The following FTO variants were observed in gnomAD, a reference collection of about 807,000 sequenced individuals.
The protein encoded by FTO is alpha-ketoglutarate-dependent dioxygenase FTO.
FTO carries 47 observed loss-of-function variants against 63.9 expected under a neutral mutation model. That is an observed-to-expected ratio of 0.74 (90% CI 0.58 to 0.94). FTO has a LOEUF of 0.94. FTO is among the 40% of genes least tolerant of loss of function. The pLI is 0.00. For missense variants in FTO, 562 were observed against 618.1 expected (o/e 0.91, Z 0.96); for synonymous variants, 207 against 224.4 (o/e 0.92, Z 0.69).
At chr16:54,012,320 A>C (rs530242946) in intron 8 of FTO, among the ~76,000 whole-genome samples, 4 of 152,210 alleles carry the variant, frequency 2.6e-5, no homozygotes, top group Non-Finnish European at 5.9e-5. Flanking sequence ...CTTCAATTCT[A>C]TGAAGGCTGA....
intron 8 of FTO, chr16:53,981,583 G>C (rs1407906915): frequency 6.6e-6 from 1 of 152,176 alleles, no homozygotes; most frequent in Non-Finnish European, 1.5e-5. Flanking sequence ...GACTAGCCTG[G>C]CCAACATGGT....
intron 2 of FTO, among the ~76,000 whole-genome samples, chr16:53,818,242 A>G (rs2078756173): frequency 6.6e-6 from 1 of 151,466 alleles, no homozygotes; most frequent in Non-Finnish European, 1.5e-5. Context: ...CACTAATTTA[A>G]TTACTCTATA....
chr16:53,890,794 C>T (rs968477082), intron 7 of FTO, among the ~76,000 whole-genome samples: 9 of 152,126 alleles, frequency 5.9e-5, no homozygotes, highest in African/African-American at 2.2e-4. Context: ...TTATGGGCTG[C>T]TTATATAAAG....
chr16:53,824,029 C>T (rs1038678286), intron 2 of FTO, among the ~76,000 whole-genome samples: 2 of 152,238 alleles, frequency 1.3e-5, no homozygotes, highest in Non-Finnish European at 2.9e-5. Flanking sequence ...CAGACCATCA[C>T]TTTTCTTCCA....
chr16:53,769,007 A>G (rs546796419), intron 1 of FTO, among the ~76,000 whole-genome samples: 2 of 152,214 alleles, frequency 1.3e-5, no homozygotes, highest in African/African-American at 4.8e-5. Context: ...AGACATTTGC[A>G]TTTTCATGAA....
At chr16:53,734,441 T>C (rs920397422) in intron 1 of FTO, among the ~76,000 whole-genome samples, 1 of 152,256 alleles carries the variant, frequency 6.6e-6, no homozygotes, top group Non-Finnish European at 1.5e-5. Context: ...TCCCCTAGAA[T>C]AGAAAAGTAT....
Position 54,119,526 on chromosome 16 carries a change from A to G in FTO, c.*7611A>G, listed in dbSNP as rs1451088974. 2 of 151,986 alleles carry G rather than the reference A, an allele frequency of 1.3e-5. No individual in the cohort carries two copies. Among genetic ancestry groups the G allele is most frequent in the African/African-American group, 4.8e-5 (2 of 41,382 alleles). 9.4% of individuals were successfully genotyped at this position (151,986 alleles called of 1,614,324 possible). On this transcript the variant is annotated 3_prime_UTR_variant, in exon 9 of 9. Coordinates refer to ENST00000471389, the MANE Select transcript of FTO (RefSeq NM_001080432.3). ...AAGCAAACCAGGTATATAGGATTCC[A>G]TTATCCTTCCCTCCTCTGCTCCCAA...
intron 2 of FTO, among the ~76,000 whole-genome samples, chr16:53,822,862 G>A (rs1463053867): frequency 6.6e-6 from 1 of 152,112 alleles, no homozygotes; most frequent in African/African-American, 2.4e-5. Flanking sequence ...AGACACTCAA[G>A]GTCTCGACTT....
At position 54,116,340 on chromosome 16, in the gene FTO, A is replaced by G. The variant is rs1189591235; in HGVS notation, c.*4425A>G. 2 of 152,258 alleles carry G rather than the reference A, an allele frequency of 1.3e-5. No individual in the cohort carries two copies. Among genetic ancestry groups the G allele is most frequent in the East Asian group, 1.9e-4 (1 of 5,174 alleles). 9.4% of individuals were successfully genotyped at this position (152,258 alleles called of 1,614,324 possible). A position where few individuals can be genotyped will look rare whatever the true frequency, so the allele number is the denominator to read the frequency against. On this transcript the variant is annotated 3_prime_UTR_variant, in exon 9 of 9. Transcript: ENST00000471389. ...TTGGAGATCTGTCAGAGGCAAGCAC[A>G]TGGAAGACAAGGGGATTCTGGTTTG... is the stretch of plus-strand genomic sequence containing the variant.
chr16:53,732,507 T>G (rs1244752605), intron 1 of FTO, among the ~76,000 whole-genome samples: 1 of 152,236 alleles, frequency 6.6e-6, no homozygotes, highest in African/African-American at 2.4e-5. Flanking sequence ...TTCCAGTTCC[T>G]ACTTCAGTGT....
At chr16:53,963,806 G>T (rs1438509842) in intron 8 of FTO, among the ~76,000 whole-genome samples, 1 of 152,186 alleles carries the variant, frequency 6.6e-6, no homozygotes, top group Non-Finnish European at 1.5e-5. Flanking sequence ...AGGCTGGAGT[G>T]CAGTAGCACG....
At chr16:53,909,725 G>A (rs112486174) in intron 7 of FTO, among the ~76,000 whole-genome samples, 4 of 151,236 alleles carry the variant, frequency 2.6e-5, no homozygotes, top group South Asian at 2.1e-4. Flanking sequence ...CACCACGCTC[G>A]GCTAATTTTT....
Position 53,860,310 on chromosome 16 carries a change from G to T in FTO, c.896-13476G>T, listed in dbSNP as rs73607622. Among the ~76,000 whole-genome samples the T allele has an allele frequency of 9.3e-3, 1,411 of 152,330 alleles. 32 individuals are homozygous for T. The highest frequency in any genetic ancestry group is 0.033 in the African/African-American group (1,358 of 41,572). On this transcript the variant is annotated intron_variant, in intron 4 of 8. Coordinates refer to ENST00000471389, the MANE Select transcript of FTO (RefSeq NM_001080432.3). ...ACAGAGTTGAATGTGGTTTCCAAGG[G>T]TTTGAGGGATGTTGGGTAGATGTTG...
At chr16:53,724,417 A>G (rs2076106839) in intron 1 of FTO, among the ~76,000 whole-genome samples, 1 of 152,248 alleles carries the variant, frequency 6.6e-6, no homozygotes, top group Non-Finnish European at 1.5e-5. Flanking sequence ...GTGCTGGTGT[A>G]GACCAACACC....
intron 8 of FTO, among the ~76,000 whole-genome samples, chr16:54,108,733 C>A (rs1414657915): frequency 6.6e-6 from 1 of 152,166 alleles, no homozygotes; most frequent in African/African-American, 2.4e-5. Flanking sequence ...TTCACATCAA[C>A]CCCATAAGTA....
chr16:53,735,642 T>G (rs2076376330), intron 1 of FTO, among the ~76,000 whole-genome samples: 1 of 152,112 alleles, frequency 6.6e-6, no homozygotes, highest in Non-Finnish European at 1.5e-5. Flanking sequence ...CTTCACGGAG[T>G]GAGTAATTCC....
At chr16:54,018,962 C>A (rs764156213) in intron 8 of FTO, among the ~76,000 whole-genome samples, 2 of 152,126 alleles carry the variant, frequency 1.3e-5, no homozygotes, top group African/African-American at 4.8e-5. Context: ...ACAGGAAGTT[C>A]GGAAATAGGA....
intron 1 of FTO, among the ~76,000 whole-genome samples, chr16:53,763,795 A>T (rs2077127618): frequency 6.6e-6 from 1 of 152,208 alleles, no homozygotes; most frequent in African/African-American, 2.4e-5. Flanking sequence ...GCATACAAAG[A>T]AATTTTTAGT....
chr16:53,778,420 T>C (rs888257986), intron 1 of FTO, among the ~76,000 whole-genome samples: 5 of 152,170 alleles, frequency 3.3e-5, no homozygotes, highest in African/African-American at 9.7e-5. Context: ...AATACTAGTT[T>C]AGTTTGGTAC....
Sources: gnomAD v4.1 joint callset for allele counts (sites outside exome capture counted in the v4.1 genomes callset) on GRCh38, gnomAD v4.1.1 for gene constraint, MANE v1.5 for transcripts, NCBI Gene and HGNC (gene_info 2026-07-23, HGNC 2026-07-21) for gene names.